ERC1: variants seen among roughly 807,000 people sequenced by gnomAD.
The protein encoded by ERC1 is ELKS/RAB6-interacting/CAST family member 1, also known as RAB6 interacting protein 2.
ERC1 carries 56 observed loss-of-function variants against 132.0 expected under a neutral mutation model. That is an observed-to-expected ratio of 0.42 (90% confidence interval 0.34 to 0.53). ERC1 has a LOEUF of 0.53. Ranked by LOEUF, ERC1 falls within the 20% of genes least tolerant of loss-of-function variation. The pLI is 0.03. For missense variants in ERC1, 1,202 were observed against 1,349.9 expected, an observed-to-expected ratio of 0.89 and a Z score of 1.72; for synonymous variants, 478 against 476.1, an observed-to-expected ratio of 1.00 and a Z score of -0.05.
chr12:1,093,957 CTATATA>C (rs202076174), intron 3 of ERC1, among the ~76,000 whole-genome samples: 2,532 of 68,894 alleles, frequency 0.037, 161 homozygotes, highest in Middle Eastern at 0.13. Flanking sequence ...ATATATTTTT[CTATATA>C]TATATATATA....
At chr12:1,341,069 CTTTTTTTTTT>C (rs35902573) in intron 15 of ERC1, among the ~76,000 whole-genome samples, 17 of 63,146 alleles carry the variant, frequency 2.7e-4, no homozygotes, top group East Asian at 7.3e-4. Context: ...TTTTCTTTTT[CTTTTTTTTTT>C]TTTTTTTTTT....
intron 3 of ERC1, among the ~76,000 whole-genome samples, chr12:1,093,982 TATAG>T (rs1184090300): frequency 7.6e-6 from 1 of 132,436 alleles, no homozygotes; most frequent in Non-Finnish European, 1.6e-5. Context: ...TATATATATA[TATAG>T]AAAAACATAG....
chr12:1,482,487 C>T (rs1481379763), intron 18 of ERC1, among the ~76,000 whole-genome samples: 1 of 152,066 alleles, frequency 6.6e-6, no homozygotes, highest in African/African-American at 2.4e-5. Flanking sequence ...GCTCTTGTCT[C>T]CCAGGCTGGA....
At chr12:1,473,711 C>T (rs1423521316) in intron 18 of ERC1, among the ~76,000 whole-genome samples, 2 of 151,882 alleles carry the variant, frequency 1.3e-5, no homozygotes, top group African/African-American at 2.4e-5. Context: ...ACTTCCGGCC[C>T]ACTTGCACAG....
In ERC1 at chr12:1,274,588, G is replaced by A. The variant is rs138329325; in HGVS notation, c.2619+11423G>A. On this transcript the variant is annotated intron_variant, in intron 14 of 18. Transcript: ENST00000360905. ...GCTTGCTGCAACCTCCATCTCCCAG[G>A]TTCAAGCAATTCTTCTGCTTCAGCC... 4.2e-3 allele frequency among the ~76,000 whole-genome samples: 636 copies of A among 152,020 alleles called. 6 individuals are homozygous for A. The highest frequency in any genetic ancestry group is 0.014 in the African/African-American group (597 of 41,434).
chr12:1,341,426 C>T (rs564629647), intron 15 of ERC1, among the ~76,000 whole-genome samples: 147 of 152,048 alleles, frequency 9.7e-4, no homozygotes, highest in Non-Finnish European at 1.9e-3. Context: ...TGTCCATCAA[C>T]GATAGACTGG....
chr12:1,121,478 A>G (rs975499382), intron 7 of ERC1, among the ~76,000 whole-genome samples: 1 of 152,356 alleles, frequency 6.6e-6, no homozygotes, highest in South Asian at 2.1e-4. Flanking sequence ...AGGTTGATGG[A>G]ATTACATAGC....
At chr12:993,163 CTG>C (rs1164981916) in intron 1 of ERC1, among the ~76,000 whole-genome samples, 15 of 152,270 alleles carry the variant, frequency 9.9e-5, no homozygotes, top group Middle Eastern at 3.4e-3. Context: ...ATTTAATTAA[CTG>C]TATTCAGTTA....
chr12:1,290,142 A>C (rs2079338101), intron 15 of ERC1, 130 bp downstream of exon 15: 1 of 736,904 alleles, frequency 1.4e-6, no homozygotes, highest in Non-Finnish European at 2.2e-6. Context: ...TGTATTTCTC[A>C]CTCTCTAGAA....
At chr12:1,134,305 A>G (rs956580538) in intron 7 of ERC1, among the ~76,000 whole-genome samples, 1 of 151,820 alleles carries the variant, frequency 6.6e-6, no homozygotes, top group Admixed American at 6.6e-5. Flanking sequence ...TGTTACTTTG[A>G]TTAACATAAT....
chr12:1,020,207 A>T (rs1388779729), intron 1 of ERC1, among the ~76,000 whole-genome samples: 4 of 152,212 alleles, frequency 2.6e-5, no homozygotes, highest in Non-Finnish European at 5.9e-5. Context: ...TTGTAACCCC[A>T]GCACTTTGAG....
intron 3 of ERC1, among the ~76,000 whole-genome samples, chr12:1,093,285 C>T (rs7301047): frequency 0.9 from 137,366 of 152,206 alleles, 62,772 homozygotes; most frequent in East Asian, 1. Flanking sequence ...GTTGTTTGAC[C>T]GCTTATTCTT....
At chr12:1,220,993 A>C (rs188575129) in intron 12 of ERC1, among the ~76,000 whole-genome samples, 4 of 151,978 alleles carry the variant, frequency 2.6e-5, no homozygotes, top group African/African-American at 9.7e-5. Flanking sequence ...TGAGCACTTA[A>C]TTTAAATTCC....
At chr12:1,244,559 T>C (rs1048085610) in intron 13 of ERC1, 11 of 452,812 alleles carry the variant, frequency 2.4e-5, no homozygotes, top group Non-Finnish European at 4.9e-5. Context: ...TCTTGCTCTA[T>C]GACCCAGGCA....
chr12:1,326,078 G>T (rs1409550180), intron 15 of ERC1, among the ~76,000 whole-genome samples: 1 of 152,032 alleles, frequency 6.6e-6, no homozygotes, highest in Non-Finnish European at 1.5e-5. Context: ...TCGTCATCCT[G>T]GAAATAAGTT....
intron 12 of ERC1, among the ~76,000 whole-genome samples, chr12:1,230,312 C>T (rs962871512): frequency 6.6e-6 from 1 of 152,134 alleles, no homozygotes; most frequent in African/African-American, 2.4e-5. Context: ...CTTTTTGACT[C>T]TCCTTTTGAT....
At chr12:1,418,675 TTTC>T (rs757505228) in intron 17 of ERC1, among the ~76,000 whole-genome samples, 12 of 75,886 alleles carry the variant, frequency 1.6e-4, no homozygotes, top group African/African-American at 8.1e-4. Context: ...CTTTTCTTTC[TTTC>T]TTTCTTTCTT....
intron 14 of ERC1, among the ~76,000 whole-genome samples, chr12:1,277,977 A>G (rs932686318): frequency 6.6e-6 from 1 of 151,822 alleles, no homozygotes; most frequent in Non-Finnish European, 1.5e-5. Context: ...TTCACTGTAG[A>G]CTCTCGCTCT....
chr12:1,156,677 GCA>G (rs1463590168), intron 8 of ERC1, among the ~76,000 whole-genome samples: 3 of 151,770 alleles, frequency 2.0e-5, no homozygotes, highest in Non-Finnish European at 4.4e-5. Context: ...ATGTTTTTTT[GCA>G]CAGTTTCATT....
Sources: gnomAD v4.1 joint callset for allele counts (sites outside exome capture counted in the v4.1 genomes callset) on GRCh38, gnomAD v4.1.1 for gene constraint, MANE v1.5 for transcripts, NCBI Gene and HGNC (gene_info 2026-07-23, HGNC 2026-07-21) for gene names.